The following HIVEP2 variants were observed in gnomAD, a reference collection of about 807,000 sequenced individuals.
HIVEP2 encodes transcription factor HIVEP2.
A neutral mutation model predicts 180.7 loss-of-function variants in HIVEP2; 14 were observed. The observed-to-expected ratio is 0.08, with a 90% CI of 0.05 to 0.12. The LOEUF is 0.12. Among genes scored for constraint, HIVEP2 ranks in the 10% least tolerant of loss-of-function variants. HIVEP2 has a pLI of 1.00. For synonymous variants in HIVEP2, 1,184 were observed against 1,136.4 expected, an observed-to-expected ratio of 1.04 and a Z score of -0.84; for missense variants, 2,579 against 3,008.5, an observed-to-expected ratio of 0.86 and a Z score of 3.34.
intron 1 of HIVEP2, among the ~76,000 whole-genome samples, chr6:142,915,138 C>T (rs1371606289): frequency 6.6e-6 from 1 of 152,138 alleles, no homozygotes; most frequent in Non-Finnish European, 1.5e-5. Context: ...CCCTGGAGAG[C>T]CTTACGCAAG....
At chr6:142,829,350 TA>T (rs1775010659) in intron 2 of HIVEP2, among the ~76,000 whole-genome samples, 1 of 152,292 alleles carries the variant, frequency 6.6e-6, no homozygotes, top group East Asian at 1.9e-4. Context: ...ACACTTTACG[TA>T]GGTGAATATC....
At chr6:142,852,750 C>T (rs1168254820) in intron 1 of HIVEP2, among the ~76,000 whole-genome samples, 2 of 152,156 alleles carry the variant, frequency 1.3e-5, no homozygotes, top group African/African-American at 2.4e-5. Context: ...AGACTTAACA[C>T]TCAATCTAAT....
At chr6:142,927,165 C>A (rs1777839807) in intron 1 of HIVEP2, among the ~76,000 whole-genome samples, 1 of 152,122 alleles carries the variant, frequency 6.6e-6, no homozygotes, top group Non-Finnish European at 1.5e-5. Flanking sequence ...AGCTCGCAAG[C>A]CCAGCGCTCC....
intron 2 of HIVEP2, among the ~76,000 whole-genome samples, chr6:142,791,746 T>A (rs1246633048): frequency 3.3e-5 from 5 of 152,202 alleles, no homozygotes; most frequent in Non-Finnish European, 5.9e-5. Context: ...CAAATACATA[T>A]AAATTTAAAT....
chr6:142,874,228 T>C (rs768254763), intron 1 of HIVEP2, among the ~76,000 whole-genome samples: 20 of 152,166 alleles, frequency 1.3e-4, no homozygotes, highest in Non-Finnish European at 2.5e-4. Flanking sequence ...CATGAATATA[T>C]AAAAACTTAA....
intron 2 of HIVEP2, among the ~76,000 whole-genome samples, chr6:142,811,980 T>C (rs1229801097): frequency 1.3e-5 from 2 of 152,134 alleles, no homozygotes; most frequent in South Asian, 2.1e-4. Flanking sequence ...CAGTGGTCCC[T>C]GAAAGAAGGG....
At chr6:142,829,884 GA>G (rs1775030612) in intron 2 of HIVEP2, among the ~76,000 whole-genome samples, 1 of 152,170 alleles carries the variant, frequency 6.6e-6, no homozygotes, top group Non-Finnish European at 1.5e-5. Context: ...TCTGTTAATG[GA>G]AATCTTTTTA....
Position 142,774,908 on chromosome 6 carries a change from T to G in HIVEP2, c.-170A>C. 1 of 1,474,200 alleles carries G rather than the reference T, an allele frequency of 6.8e-7. No individual in the cohort carries two copies. The highest frequency in any genetic ancestry group is 8.9e-7 in the Non-Finnish European group (1 of 1,120,846). 91.3% of individuals were successfully genotyped at this position (1,474,200 alleles called of 1,614,324 possible). A position where few individuals can be genotyped will look rare whatever the true frequency, so the allele number is the denominator to read the frequency against. ...CCTTCCACACGCACACCACAGTCGA[T>G]GGGCATTAGCTAGTAATGTCCTTGG... On this transcript the variant is annotated 5_prime_UTR_variant, in exon 5 of 10. Coordinates refer to ENST00000367603, the MANE Select transcript of HIVEP2 (RefSeq NM_006734.4). The surrounding 1 kb of genome is among the most constrained non-coding windows in gnomAD (Gnocchi z 5.1).
chr6:142,854,540 T>C (rs75198722), intron 1 of HIVEP2, among the ~76,000 whole-genome samples: 1,715 of 152,292 alleles, frequency 0.011, 43 homozygotes, highest in African/African-American at 0.039. Context: ...AAACCCATAG[T>C]ATTCTTCAGA....
chr6:142,830,953 C>CACT (rs1349964593), intron 2 of HIVEP2, among the ~76,000 whole-genome samples: 2 of 152,144 alleles, frequency 1.3e-5, no homozygotes, highest in African/African-American at 4.8e-5. Flanking sequence ...CAATCCTTAT[C>CACT]ACTACCCTCC....
chr6:142,875,301 T>TG (rs1248775445), intron 1 of HIVEP2, among the ~76,000 whole-genome samples: 4 of 152,068 alleles, frequency 2.6e-5, no homozygotes, highest in African/African-American at 9.7e-5. Context: ...AGGAACAGAA[T>TG]GAAGGCCATT....
At chr6:142,932,828 G>T (rs1777971837) in intron 1 of HIVEP2, among the ~76,000 whole-genome samples, 1 of 152,224 alleles carries the variant, frequency 6.6e-6, no homozygotes, top group South Asian at 2.1e-4. Flanking sequence ...CTCAGTTAGA[G>T]ATTAAATGAT....
chr6:142,850,027 C>G (rs975059510), intron 1 of HIVEP2, among the ~76,000 whole-genome samples: 1 of 152,048 alleles, frequency 6.6e-6, no homozygotes, highest in African/African-American at 2.4e-5. Context: ...GTCAAAGACC[C>G]AAAAGATGTC....
At chr6:142,813,097 A>T (rs933500563) in intron 2 of HIVEP2, among the ~76,000 whole-genome samples, 2 of 152,180 alleles carry the variant, frequency 1.3e-5, no homozygotes, top group Admixed American at 1.3e-4. Flanking sequence ...TTATGACTTT[A>T]TAATATTTAA....
At chr6:142,894,696 A>C (rs1776939489) in intron 1 of HIVEP2, among the ~76,000 whole-genome samples, 1 of 152,224 alleles carries the variant, frequency 6.6e-6, no homozygotes. Context: ...CCTGGAAAAC[A>C]ATTCTATGGG....
At chr6:142,918,928 GTTTC>G (rs1284568696) in intron 1 of HIVEP2, among the ~76,000 whole-genome samples, 1 of 152,082 alleles carries the variant, frequency 6.6e-6, no homozygotes, top group Non-Finnish European at 1.5e-5. Context: ...ACACATTCAT[GTTTC>G]TTTATAATAC....
At chr6:142,782,295 C>T (rs1775878728) in intron 3 of HIVEP2, among the ~76,000 whole-genome samples, 4 of 152,052 alleles carry the variant, frequency 2.6e-5, no homozygotes, top group Admixed American at 2.6e-4. Context: ...TGCCACAGAT[C>T]AGTTGTAAAA....
Position 142,771,386 on chromosome 6 carries a change from C to T in HIVEP2, c.3353G>A (p.Gly1118Glu). 6.2e-7 allele frequency: 1 copy of T among 1,612,966 alleles called. No homozygotes were observed. Residue 1118 changes from glycine to glutamate, a missense_variant, in exon 5 of 10, where the codon GGG becomes GAG. Coordinates refer to ENST00000367603, the MANE Select transcript of HIVEP2 (RefSeq NM_006734.4). The surrounding 1 kb of genome is among the most constrained non-coding windows in gnomAD (Gnocchi z 5.4). ...LEHLHAGLRS[G>E]WHHGPPAVLP... ...CACAGCAGGCGGGCCATGGTGCCACCCGGACCGGAGGCCAGCATGCAGGTG... is the reference window on the plus strand; with the variant it reads ...CACAGCAGGCGGGCCATGGTGCCACTCGGACCGGAGGCCAGCATGCAGGTG...
At chr6:142,854,288 G>A (rs901517142) in intron 1 of HIVEP2, among the ~76,000 whole-genome samples, 1 of 152,118 alleles carries the variant, frequency 6.6e-6, no homozygotes, top group East Asian at 1.9e-4. Context: ...AGGGATGCTG[G>A]TAAGTATTCT....
Sources: allele counts gnomAD v4.1 joint callset (sites outside exome capture counted in the v4.1 genomes callset), GRCh38; gene constraint gnomAD v4.1.1; non-coding constraint Gnocchi (gnomAD v3.1); transcripts MANE v1.5; gene names NCBI Gene and HGNC (gene_info 2026-07-23, HGNC 2026-07-21).